The following RBMS3 variants were observed in gnomAD, a reference collection of about 807,000 sequenced individuals.
The protein encoded by RBMS3 is RNA-binding motif, single-stranded-interacting protein 3.
In RBMS3, 27 loss-of-function variants were observed where a neutral mutation model predicts 66.8. That is an observed-to-expected ratio of 0.40 (90% confidence interval 0.30 to 0.56). The LOEUF (loss-of-function observed/expected upper bound fraction) is 0.56, where lower values mean the gene tolerates loss of function less well. Among genes scored for constraint, RBMS3 ranks in the 20% least tolerant of loss-of-function variants. The probability of loss-of-function intolerance (pLI) is 0.40; values close to 1 mark genes in which losing one functional copy is unlikely to be tolerated. For missense variants in RBMS3, 513 were observed against 549.5 expected (o/e 0.93, Z 0.66); for synonymous variants, 188 against 183.0 (o/e 1.03, Z -0.22).
At chr3:29,625,353 C>T (rs9815337) in intron 4 of RBMS3, among the ~76,000 whole-genome samples, 10,114 of 152,114 alleles carry the variant, frequency 0.066, 639 homozygotes, top group East Asian at 0.34. Context: ...CAACTTAGAA[C>T]AAGTGTAAGC....
At chr3:29,574,251 G>A (rs1462653886) in intron 3 of RBMS3, among the ~76,000 whole-genome samples, 28 of 152,108 alleles carry the variant, frequency 1.8e-4, no homozygotes, top group Admixed American at 1.8e-3. Context: ...AGTGTTGGGT[G>A]CACATATATT....
At chr3:29,352,619 G>GAAATATACA (rs2036981596) in intron 1 of RBMS3, among the ~76,000 whole-genome samples, 1 of 152,116 alleles carries the variant, frequency 6.6e-6, no homozygotes, top group Non-Finnish European at 1.5e-5. Flanking sequence ...TAGCTAGGTT[G>GAAATATACA]AAATATACAA....
At chr3:29,805,149 G>A (rs531545166) in intron 6 of RBMS3, among the ~76,000 whole-genome samples, 3 of 152,020 alleles carry the variant, frequency 2.0e-5, no homozygotes, top group East Asian at 3.9e-4. Flanking sequence ...CGGTCTCATC[G>A]TATTATAATG....
At chr3:29,693,989 T>A (rs1054074828) in intron 4 of RBMS3, among the ~76,000 whole-genome samples, 4 of 152,220 alleles carry the variant, frequency 2.6e-5, no homozygotes, top group African/African-American at 9.6e-5. Flanking sequence ...AATAGTTGAA[T>A]CAAGTTGCTT....
intron 5 of RBMS3, among the ~76,000 whole-genome samples, chr3:29,760,069 C>T (rs558455814): frequency 9.9e-5 from 15 of 152,078 alleles, no homozygotes; most frequent in South Asian, 2.1e-4. Flanking sequence ...TAGAAACAGC[C>T]CCCATCCAGC....
intron 1 of RBMS3, among the ~76,000 whole-genome samples, chr3:29,374,963 C>T (rs189528554): frequency 3.3e-5 from 5 of 152,158 alleles, no homozygotes; most frequent in Non-Finnish European, 5.9e-5. Flanking sequence ...TTGAAATTGG[C>T]TTTCCGCTAC....
intron 4 of RBMS3, among the ~76,000 whole-genome samples, chr3:29,719,173 A>C (rs1026754201): frequency 3.3e-5 from 5 of 152,190 alleles, no homozygotes; most frequent in African/African-American, 1.2e-4. Context: ...TTATTGATCC[A>C]TAAATCAGGC....
intron 11 of RBMS3, among the ~76,000 whole-genome samples, chr3:29,941,655 T>C (rs2061396900): frequency 6.6e-6 from 1 of 151,696 alleles, no homozygotes; most frequent in South Asian, 2.1e-4. Flanking sequence ...ACTTTTGTTG[T>C]TTAAAAAAAT....
At chr3:29,690,819 T>C (rs1401301767) in intron 4 of RBMS3, among the ~76,000 whole-genome samples, 1 of 152,256 alleles carries the variant, frequency 6.6e-6, no homozygotes, top group Non-Finnish European at 1.5e-5. Context: ...ACAATTTGTT[T>C]ATTTGGACTA....
intron 10 of RBMS3, among the ~76,000 whole-genome samples, chr3:29,920,782 T>C (rs1486589710): frequency 6.7e-6 from 1 of 149,062 alleles, no homozygotes; most frequent in Non-Finnish European, 1.5e-5. Context: ...GAGACCATCC[T>C]GGCTAACATG....
intron 6 of RBMS3, among the ~76,000 whole-genome samples, chr3:29,822,411 A>C (rs1317500107): frequency 6.6e-6 from 1 of 152,208 alleles, no homozygotes; most frequent in Non-Finnish European, 1.5e-5. Context: ...AAAACAAATC[A>C]AACTTGCATT....
intron 7 of RBMS3, among the ~76,000 whole-genome samples, chr3:29,883,887 A>G (rs1475362926): frequency 6.6e-6 from 1 of 152,156 alleles, no homozygotes. Context: ...GAGGTTAGAC[A>G]GTGGATGTTT....
intron 2 of RBMS3, among the ~76,000 whole-genome samples, chr3:29,472,259 G>T (rs937422851): frequency 6.7e-6 from 1 of 150,192 alleles, no homozygotes; most frequent in Non-Finnish European, 1.5e-5. Flanking sequence ...GTGCAATGGC[G>T]TGATCTTGGC....
chr3:29,346,018 C>T (rs574109675), intron 1 of RBMS3, among the ~76,000 whole-genome samples: 12 of 152,280 alleles, frequency 7.9e-5, no homozygotes, highest in Admixed American at 2.0e-4. Context: ...TGTTGGTTTT[C>T]CTGTGAGTCT....
At chr3:29,961,767 C>G (rs1696464071) in intron 12 of RBMS3, among the ~76,000 whole-genome samples, 1 of 151,536 alleles carries the variant, frequency 6.6e-6, no homozygotes, top group Admixed American at 6.6e-5. Context: ...GGTAGCTGCC[C>G]CCATGATTCA....
intron 1 of RBMS3, among the ~76,000 whole-genome samples, chr3:29,287,971 T>G (rs1351342760): frequency 6.6e-6 from 1 of 152,110 alleles, no homozygotes; most frequent in Non-Finnish European, 1.5e-5. Context: ...AAAAATGTTT[T>G]GTTTTATCCA....
chr3:29,818,139 A>G (rs2057968174), intron 6 of RBMS3, among the ~76,000 whole-genome samples: 1 of 152,180 alleles, frequency 6.6e-6, no homozygotes, highest in African/African-American at 2.4e-5. Flanking sequence ...TGTTGTCTAA[A>G]TGACACATGA....
chr3:29,657,990 TTGTC>T (rs2149223363), intron 4 of RBMS3, among the ~76,000 whole-genome samples: 1 of 152,248 alleles, frequency 6.6e-6, no homozygotes, highest in South Asian at 2.1e-4. Context: ...CCCCCAACGA[TTGTC>T]TGTCTTTAGG....
At chr3:29,847,171 CT>C (rs1267817671) in intron 6 of RBMS3, among the ~76,000 whole-genome samples, 3 of 152,200 alleles carry the variant, frequency 2.0e-5, no homozygotes, top group Non-Finnish European at 4.4e-5. Flanking sequence ...TTAAGTGTGC[CT>C]TTTTTGTTTT....
Sources: gnomAD v4.1 joint callset for allele counts (sites outside exome capture counted in the v4.1 genomes callset) on GRCh38, gnomAD v4.1.1 for gene constraint, MANE v1.5 for transcripts, NCBI Gene and HGNC (gene_info 2026-07-23, HGNC 2026-07-21) for gene names.